EIF2AK4: variants seen among roughly 807,000 people sequenced by gnomAD.
EIF2AK4 encodes eIF-2-alpha kinase GCN2.
In EIF2AK4, 139 loss-of-function variants were observed where a neutral mutation model predicts 211.1. That is an observed-to-expected ratio of 0.66 (90% CI 0.57 to 0.76). The LOEUF (loss-of-function observed/expected upper bound fraction) is 0.76, where lower values mean the gene tolerates loss of function less well. Ranked by LOEUF, EIF2AK4 falls within the 30% of genes least tolerant of loss-of-function variation. The probability of loss-of-function intolerance (pLI) is 0.00; values close to 1 mark genes in which losing one functional copy is unlikely to be tolerated. For synonymous variants in EIF2AK4, 710 were observed against 751.3 expected (o/e 0.94, Z 0.90); for missense variants, 1,664 against 2,043.8 (o/e 0.81, Z 3.58).
chr15:39,992,941 C>T (rs1241820952), intron 18 of EIF2AK4, 93 bp downstream of exon 18: 1 of 1,214,664 alleles, frequency 8.2e-7, no homozygotes, highest in Non-Finnish European at 1.2e-6. Context: ...CTAAAATAGT[C>T]AAGACATCCA....
At chr15:39,998,661 C>T in intron 19 of EIF2AK4, 70 bp from the exon 20 acceptor site, 2 of 1,227,604 alleles carry the variant, frequency 1.6e-6, no homozygotes, top group Non-Finnish European at 2.4e-6. Context: ...GATTTTCTTA[C>T]TTATGGTGAA....
intron 27 of EIF2AK4, among the ~76,000 whole-genome samples, chr15:40,015,202 C>G (rs975985413): frequency 1.3e-5 from 2 of 152,218 alleles, no homozygotes; most frequent in African/African-American, 4.8e-5. Flanking sequence ...GTTCCAAAGT[C>G]ACTTCCACAT....
In EIF2AK4 at chr15:40,017,118, A is replaced by G. The variant is rs757161885; in HGVS notation, c.3941A>G (p.Asn1314Ser). 11 of 1,612,996 alleles carry G rather than the reference A, an allele frequency of 6.8e-6. No individual in the cohort carries two copies. The highest frequency in any genetic ancestry group is 1.1e-5 in the South Asian group (1 of 91,024). The change falls in exon 29 of 39, where the codon AAT becomes AGT. Residue 1314 changes from asparagine to serine, a missense_variant. Physicochemically the swap from Asn to Ser is conservative, Grantham distance 46. Coordinates refer to ENST00000263791, the MANE Select transcript of EIF2AK4 (RefSeq NM_001013703.4). Reference sequence around the variant, plus strand: ...CATCTCTCTTTATAGGTCTTGATCAATTTGGGCTTGGTTTACAAGGTGCAG... The same window carrying G: ...CATCTCTCTTTATAGGTCTTGATCAGTTTGGGCTTGGTTTACAAGGTGCAG... Reference protein sequence around the residue: ...KLGIKLQVLINLGLVYKVQQH... With the variant: ...KLGIKLQVLISLGLVYKVQQH...
chr15:39,974,806 G>A (rs2034672034), intron 11 of EIF2AK4: 1 of 152,316 alleles, frequency 6.6e-6, no homozygotes, highest in South Asian at 2.1e-4. Context: ...CTCCCTGTGA[G>A]AATCCACAGC....
At chr15:39,989,661 C>T (rs142967258) in intron 15 of EIF2AK4, among the ~76,000 whole-genome samples, 90 of 152,300 alleles carry the variant, frequency 5.9e-4, no homozygotes, top group Non-Finnish European at 1.2e-3. Context: ...CAGAATTTAC[C>T]TTCATGTAAT....
At chr15:39,955,449 C>G (rs572168559) in intron 5 of EIF2AK4, among the ~76,000 whole-genome samples, 171 bp from the exon 6 acceptor site, 1 of 152,254 alleles carries the variant, frequency 6.6e-6, no homozygotes, top group East Asian at 1.9e-4. Context: ...TGGAAACATT[C>G]AATATCCTCC....
intron 37 of EIF2AK4, among the ~76,000 whole-genome samples, chr15:40,034,065 A>G (rs887852071): frequency 7.2e-5 from 11 of 152,180 alleles, no homozygotes; most frequent in African/African-American, 2.6e-4. Context: ...GTAGGCAGAA[A>G]TAACTGCTCT....
Position 39,955,724 on chromosome 15 carries a change from T to C in EIF2AK4, c.699T>C (p.Phe233=). ...TTCTACATGGAGGCTCTCCTGACTT[T>C]GTAGGAAATGGTAAACATCGGGCAA... ...AAILHGGSPD[F]VGNGKHRANS... Residue 233 remains phenylalanine, a synonymous_variant, in exon 6 of 39, where the codon TTT becomes TTC. Coordinates refer to ENST00000263791, the MANE Select transcript of EIF2AK4 (RefSeq NM_001013703.4). The C allele has an allele frequency of 1.2e-6, 2 of 1,612,478 alleles. No individual in the cohort carries two copies. The highest frequency in any genetic ancestry group is 1.7e-6 in the Non-Finnish European group (2 of 1,179,538).
intron 16 of EIF2AK4, chr15:39,991,647 A>G (rs2034946269): frequency 6.5e-6 from 1 of 153,306 alleles, no homozygotes; most frequent in Non-Finnish European, 1.5e-5. Context: ...ACCTATTACA[A>G]GTGCAGACAT....
intron 4 of EIF2AK4, chr15:39,951,832 AC>A (rs147692567): frequency 0.06 from 9,471 of 157,582 alleles, 469 homozygotes; most frequent in East Asian, 0.27. Flanking sequence ...CTCCTTACTT[AC>A]CCCCTTCTCC....
intron 8 of EIF2AK4, 144 bp downstream of exon 8, chr15:39,965,987 G>T: frequency 8.8e-7 from 1 of 1,131,402 alleles, no homozygotes; most frequent in Non-Finnish European, 1.2e-6. Flanking sequence ...GGACAGTGAA[G>T]GACCAGTACC....
At position 39,937,683 on chromosome 15, in the gene EIF2AK4, C is replaced by T. The variant is rs541166480; in HGVS notation, c.145-1822C>T. Among the ~76,000 whole-genome samples, 7 of 150,882 alleles carry T rather than the reference C, an allele frequency of 4.6e-5. No individual in the cohort carries two copies. In the South Asian group the frequency reaches 8.4e-4, roughly 18 times the overall value. ...TTTACTTTTAACTTGTTCATGACTT[C>T]GTTTTTAAATTTTCATCAAATAAAG... On this transcript the variant is annotated intron_variant, in intron 1 of 38. Coordinates refer to ENST00000263791, the MANE Select transcript of EIF2AK4 (RefSeq NM_001013703.4).
rs1341158518 is a variant in EIF2AK4 at position 39,976,788 on chromosome 15, C to T, written c.2193C>T (p.Ser731=). ...TCCCCGCCACCGGCCCGGGCTCCAG[C>T]GATGACGAGGACGACGACGAGGACG... ...ARFPATGPGS[S]DDEDDDEDEH... Residue 731 remains serine (S), a synonymous_variant, in exon 12 of 39, where the codon AGC becomes AGT. Coordinates refer to ENST00000263791, the MANE Select transcript of EIF2AK4 (RefSeq NM_001013703.4). 2.8e-5 allele frequency: 44 copies of T among 1,582,130 alleles called. No homozygotes were observed. The highest frequency in any genetic ancestry group is 3.6e-5 in the Non-Finnish European group (42 of 1,167,610).
chr15:40,010,258 G>A lies in EIF2AK4; in HGVS notation c.3693+528G>A, dbSNP rs1189774934. 3.3e-5 allele frequency among the ~76,000 whole-genome samples: 5 copies of A among 152,198 alleles called. No individual in the cohort carries two copies. The East Asian group carries it at 7.7e-4, about 23-fold the overall frequency. On this transcript the variant is annotated intron_variant, in intron 26 of 38. Transcript: ENST00000263791. ...TGTTCATGTTGAGAATAAACAGTGT[G>A]CCTTGCCCTTGATTCTTCCAGTCTG...
intron 32 of EIF2AK4, among the ~76,000 whole-genome samples, chr15:40,024,740 T>G (rs2035443213): frequency 7.1e-6 from 1 of 140,060 alleles, no homozygotes; most frequent in South Asian, 2.3e-4. Flanking sequence ...CTTTTTTTTG[T>G]TTTTTTTTTT....
intron 13 of EIF2AK4, among the ~76,000 whole-genome samples, chr15:39,981,002 A>G (rs555568407): frequency 2.0e-5 from 3 of 152,366 alleles, no homozygotes; most frequent in South Asian, 2.1e-4. Context: ...GTGTTTTTCT[A>G]TAAGTACTTT....
intron 29 of EIF2AK4, 30 bp downstream of exon 29, chr15:40,017,272 T>C (rs765255612): frequency 1.3e-6 from 2 of 1,570,454 alleles, no homozygotes; most frequent in Non-Finnish European, 1.7e-6. Context: ...TTATTTGCTC[T>C]GACTTAATTT....
intron 3 of EIF2AK4, among the ~76,000 whole-genome samples, chr15:39,947,975 T>C (rs1042787684): frequency 1.3e-5 from 2 of 152,226 alleles, no homozygotes; most frequent in East Asian, 1.9e-4. Context: ...TTTGACATGA[T>C]AGAAATTGCC....
At chr15:40,030,730 G>A (rs2035530483) in intron 35 of EIF2AK4, among the ~76,000 whole-genome samples, 1 of 152,112 alleles carries the variant, frequency 6.6e-6, no homozygotes, top group Admixed American at 6.6e-5. Flanking sequence ...GGCTCTAAAG[G>A]TAGTTGAGGT....
Sources: gnomAD v4.1 joint callset for allele counts (sites outside exome capture counted in the v4.1 genomes callset) on GRCh38, gnomAD v4.1.1 for gene constraint, MANE v1.5 for transcripts, NCBI Gene and HGNC (gene_info 2026-07-23, HGNC 2026-07-21) for gene names.